The following CD46 variants were observed in gnomAD, a reference collection of about 807,000 sequenced individuals.
CD46 encodes membrane cofactor protein.
CD46 carries 30 observed loss-of-function variants against 53.3 expected under a neutral mutation model. The observed-to-expected ratio is 0.56, with a 90% confidence interval of 0.42 to 0.76. CD46 has a LOEUF of 0.76. Among genes scored for constraint, CD46 ranks in the 30% least tolerant of loss-of-function variants. The pLI is 0.00. For synonymous variants in CD46, 142 were observed against 152.0 expected, an observed-to-expected ratio of 0.93 and a Z score of 0.48; for missense variants, 409 against 463.0, an observed-to-expected ratio of 0.88 and a Z score of 1.07.
intron 12 of CD46, among the ~76,000 whole-genome samples, chr1:207,791,770 C>T (rs1369708093): frequency 1.3e-5 from 2 of 152,190 alleles, no homozygotes; most frequent in East Asian, 3.8e-4. Flanking sequence ...TTTAGACTCT[C>T]TCTGAGCTTC....
intron 5 of CD46, among the ~76,000 whole-genome samples, chr1:207,761,815 T>G (rs1480065062): frequency 6.6e-6 from 1 of 152,100 alleles, no homozygotes; most frequent in African/African-American, 2.4e-5. Context: ...TGTGACAGAC[T>G]AATCGTCTCA....
At chr1:207,765,330 C>T (rs1165979671) in intron 5 of CD46, among the ~76,000 whole-genome samples, 1 of 152,176 alleles carries the variant, frequency 6.6e-6, no homozygotes, top group Non-Finnish European at 1.5e-5. Flanking sequence ...TGATAACAGA[C>T]ATCTACAAAA....
intron 9 of CD46, 151 bp from the exon 10 acceptor site, chr1:207,784,920 A>T (rs1235508737): frequency 5.7e-6 from 4 of 704,436 alleles, no homozygotes; most frequent in Non-Finnish European, 1.0e-5. Context: ...GGTCCCTCCC[A>T]CAACACGTGG....
intron 5 of CD46, among the ~76,000 whole-genome samples, chr1:207,765,219 G>A (rs1164518372): frequency 6.6e-6 from 1 of 152,042 alleles, no homozygotes; most frequent in Non-Finnish European, 1.5e-5. Context: ...CTTATTAGAT[G>A]CAAAAAACAA....
At chr1:207,753,296 CT>C (rs1655132474) in intron 1 of CD46, among the ~76,000 whole-genome samples, 1 of 152,200 alleles carries the variant, frequency 6.6e-6, no homozygotes, top group Non-Finnish European at 1.5e-5. Flanking sequence ...TTGTTTTCCC[CT>C]GCAGCTCATA....
chr1:207,773,567 T>C (rs1657755142), intron 8 of CD46, among the ~76,000 whole-genome samples: 1 of 152,228 alleles, frequency 6.6e-6, no homozygotes, highest in African/African-American at 2.4e-5. Flanking sequence ...CTGCTTTAAA[T>C]GTTTCCCAGA....
chr1:207,763,465 C>T lies in CD46; in HGVS notation c.673+2019C>T, dbSNP rs542704494. Among the ~76,000 whole-genome samples, 8 of 152,312 alleles carry T rather than the reference C, an allele frequency of 5.3e-5. No individual in the cohort carries two copies. The South Asian group carries it at 1.0e-3, about 20-fold the overall frequency. ...TGGGAGCTAGGGCTCTCCTCAAGGG[C>T]TTTTTGACCTTGGGCCAGTCTTGAC... On this transcript the variant is annotated intron_variant, in intron 5 of 12. Transcript: ENST00000367042.
At chr1:207,757,446 TC>T (rs572855449) in intron 2 of CD46, 93 bp from the exon 3 acceptor site, 7 of 838,004 alleles carry the variant, frequency 8.4e-6, no homozygotes, top group Non-Finnish European at 1.4e-5. Context: ...AAAATTATAT[TC>T]CCACCCATTC....
chr1:207,757,671 A>T, intron 3 of CD46, 29 bp downstream of exon 3: 1 of 1,332,524 alleles, frequency 7.5e-7, no homozygotes, highest in Non-Finnish European at 1.1e-6. Context: ...GAAATAAGGG[A>T]AGTGTTAGTA....
intron 8 of CD46, among the ~76,000 whole-genome samples, chr1:207,773,251 T>C (rs1247230700): frequency 6.6e-6 from 1 of 152,212 alleles, no homozygotes; most frequent in Non-Finnish European, 1.5e-5. Flanking sequence ...GATATCCCCT[T>C]TATCATTTTT....
chr1:207,792,146 C>T (rs1055514678), intron 12 of CD46, among the ~76,000 whole-genome samples: 2 of 151,990 alleles, frequency 1.3e-5, no homozygotes, highest in Non-Finnish European at 2.9e-5. Flanking sequence ...CATGGTGGTG[C>T]ACACCTGTAA....
At position 207,761,461 on chromosome 1, in the gene CD46, T is replaced by G; in HGVS notation, c.673+15T>G. ...AGAGTGTAAAGGTAGTGTTTCAATT[T>G]ATTTCCTTCTTCATTTGTAAATACT... On this transcript the variant is annotated intron_variant, in intron 5 of 12. Coordinates refer to ENST00000367042, the MANE Select transcript of CD46 (RefSeq NM_172351.3). 6.3e-7 allele frequency: 1 copy of G among 1,596,280 alleles called. No individual in the cohort carries two copies. The highest frequency in any genetic ancestry group is 8.6e-7 in the Non-Finnish European group (1 of 1,163,734).
rs1030343570 is a variant in CD46 at position 207,793,935 on chromosome 1, C to T, written c.*458C>T. 1 of 253,122 alleles carries T rather than the reference C, an allele frequency of 4.0e-6. No homozygotes were observed. Among genetic ancestry groups the T allele is most frequent in the Non-Finnish European group, 7.8e-6 (1 of 128,054 alleles). The allele number at this position is 253,122 out of a possible 1,614,324, so 15.7% of individuals were successfully genotyped here. A position where few individuals can be genotyped will look rare whatever the true frequency, so the allele number is the denominator to read the frequency against. On this transcript the variant is annotated 3_prime_UTR_variant, in exon 13 of 13. Coordinates refer to ENST00000367042, the MANE Select transcript of CD46 (RefSeq NM_172351.3). The stretch of plus-strand genomic sequence containing the variant: ...TATATTTTCTTTGTAAAGAAAGTGG[C>T]TTGAAATCTTTTTTGTTCAAAGATT...
rs549392562 is a variant in CD46 at position 207,795,496 on chromosome 1, A to G, written c.*2019A>G. The G allele has an allele frequency of 2.0e-5, 3 of 152,340 alleles. No homozygotes were observed. In the East Asian group the frequency reaches 5.8e-4, roughly 29 times the overall value. 9.4% of individuals were successfully genotyped at this position (152,340 alleles called of 1,614,324 possible). A position where few individuals can be genotyped will look rare whatever the true frequency, so the allele number is the denominator to read the frequency against. ...TTGAAATCTGTTAAAATAAAATTGT[A>G]CATTTGGAGATGTTTCATGATGATG... On this transcript the variant is annotated 3_prime_UTR_variant, in exon 13 of 13. Transcript: ENST00000367042.
chr1:207,773,693 A>G (rs144685830), intron 8 of CD46, among the ~76,000 whole-genome samples: 114 of 152,126 alleles, frequency 7.5e-4, no homozygotes, highest in Non-Finnish European at 1.5e-3. Flanking sequence ...GTTTCCATGT[A>G]TTTGTGTGGT....
rs1655032436 is a variant in CD46, at chr1:207,752,480, C to T, written c.97+171C>T. 6.6e-6 allele frequency among the ~76,000 whole-genome samples: 1 copy of T among 152,172 alleles called. No individual in the cohort carries two copies. Among genetic ancestry groups the T allele is most frequent in the Non-Finnish European group, 1.5e-5 (1 of 68,032 alleles). ...TATGTGGCGGGGAATGCGGGGACCA[C>T]GCAGAGCCCGAGGTGAAGCTTGTTT... On this transcript the variant is annotated intron_variant, in intron 1 of 12. Transcript: ENST00000367042. This position sits in a 1 kb window ranked among gnomAD's most constrained non-coding sequence, Gnocchi z 4.1.
At position 207,785,673 on chromosome 1, in the gene CD46, A is replaced by C; in HGVS notation, c.1073A>C (p.Lys358Thr). 1 of 1,604,622 alleles carries C rather than the reference A, an allele frequency of 6.2e-7. No individual in the cohort carries two copies. Among genetic ancestry groups the C allele is most frequent in the Non-Finnish European group, 8.5e-7 (1 of 1,171,492 alleles). Reference protein sequence around the residue: ...VVPYRYLQRRKKKGTYLTDET... With the variant: ...VVPYRYLQRRTKKGTYLTDET... ...CCGTACAGATATCTTCAAAGGAGGA[A>C]GAAGAAAGGGTAAATTAAAGCATGT... Residue 358 changes from lysine (K) to threonine (T), a missense_variant, in exon 11 of 13, where the codon AAG becomes ACG. Physicochemically the swap from Lys to Thr is moderately conservative, Grantham distance 78. Coordinates refer to ENST00000367042, the MANE Select transcript of CD46 (RefSeq NM_172351.3).
chr1:207,761,290 CA>C lies in CD46; in HGVS notation c.518del (p.His173ProfsTer6). On this transcript the variant is annotated frameshift_variant, in exon 5 of 13. Coordinates refer to ENST00000367042, the MANE Select transcript of CD46 (RefSeq NM_172351.3). LOFTEE classifies it high-confidence loss of function. Reference sequence around the variant, plus strand: ...ACCTCCAAAAATAAAAAATGGAAAACACACCTTTAGTGAAGTAGAAGTATTT... The same window carrying C: ...ACCTCCAAAAATAAAAAATGGAAAACCACCTTTAGTGAAGTAGAAGTATTT... ...TPPPKIKNGK[H>X]TFSEVEVFEY... The C allele has an allele frequency of 2.5e-6, 4 of 1,612,932 alleles. No homozygotes were observed. The highest frequency in any genetic ancestry group is 3.4e-6 in the Non-Finnish European group (4 of 1,179,018).
At chr1:207,793,124 A>G (rs1659959680) in intron 12 of CD46, among the ~76,000 whole-genome samples, 1 of 152,246 alleles carries the variant, frequency 6.6e-6, no homozygotes, top group Non-Finnish European at 1.5e-5. Context: ...GAGGCATCAC[A>G]TACTTGAACA....
Sources: gnomAD v4.1 joint callset for allele counts (sites outside exome capture counted in the v4.1 genomes callset) on GRCh38, gnomAD v4.1.1 for gene constraint, Gnocchi (gnomAD v3.1) non-coding constraint, MANE v1.5 for transcripts, NCBI Gene and HGNC (gene_info 2026-07-23, HGNC 2026-07-21) for gene names.